The following ERC2 variants were observed in gnomAD, a reference collection of about 807,000 sequenced individuals.
ERC2 encodes the protein ELKS/RAB6-interacting/CAST family member 2.
ERC2 carries 42 observed loss-of-function variants against 114.8 expected under a neutral mutation model. The observed-to-expected ratio is 0.37, with a 90% CI of 0.29 to 0.47. The LOEUF is 0.47. ERC2 is among the 20% of genes least tolerant of loss of function. The probability of loss-of-function intolerance (pLI) is 0.99; values close to 1 mark genes in which losing one functional copy is unlikely to be tolerated. For missense variants in ERC2, 939 were observed against 1,150.7 expected, an observed-to-expected ratio of 0.82 and a Z score of 2.66; for synonymous variants, 454 against 425.5, an observed-to-expected ratio of 1.07 and a Z score of -0.82.
chr3:56,156,532 A>AC (rs1167344068), intron 4 of ERC2, among the ~76,000 whole-genome samples: 1 of 151,894 alleles, frequency 6.6e-6, no homozygotes, highest in Non-Finnish European at 1.5e-5. Flanking sequence ...GAATTTGGGG[A>AC]CCCCTAGGTA....
chr3:56,395,506 G>A (rs2060273752), intron 2 of ERC2, among the ~76,000 whole-genome samples: 2 of 152,098 alleles, frequency 1.3e-5, no homozygotes, highest in Non-Finnish European at 1.5e-5. Context: ...AAGGTGTTTG[G>A]ATCCCTCAAA....
At chr3:55,651,223 A>G (rs534537958) in intron 17 of ERC2, among the ~76,000 whole-genome samples, 5 of 151,964 alleles carry the variant, frequency 3.3e-5, no homozygotes, top group Non-Finnish European at 1.5e-5. Context: ...GGACCTGTGC[A>G]TGTCATTCTG....
intron 17 of ERC2, among the ~76,000 whole-genome samples, chr3:55,530,468 T>TAC (rs2053596245): frequency 6.6e-6 from 1 of 151,202 alleles, no homozygotes; most frequent in South Asian, 2.1e-4. Flanking sequence ...TGACCTGACA[T>TAC]GTTCTCTCCA....
At chr3:56,349,413 C>T (rs1435326590) in intron 2 of ERC2, among the ~76,000 whole-genome samples, 1 of 152,226 alleles carries the variant, frequency 6.6e-6, no homozygotes, top group Admixed American at 6.5e-5. Context: ...GAGAAAGACA[C>T]GCTGGCTCTA....
intron 17 of ERC2, among the ~76,000 whole-genome samples, chr3:55,522,542 C>T (rs1452994809): frequency 6.8e-6 from 1 of 146,168 alleles, no homozygotes; most frequent in African/African-American, 2.6e-5. Flanking sequence ...CATTCCCCTC[C>T]AAAGAATGAG....
At chr3:56,375,889 G>A (rs1446835626) in intron 2 of ERC2, among the ~76,000 whole-genome samples, 1 of 152,192 alleles carries the variant, frequency 6.6e-6, no homozygotes, top group Non-Finnish European at 1.5e-5. Flanking sequence ...GAAGTCAGCT[G>A]TTGCACTGTA....
intron 5 of ERC2, among the ~76,000 whole-genome samples, chr3:56,142,020 A>G (rs578248066): frequency 6.4e-4 from 97 of 152,150 alleles, no homozygotes; most frequent in African/African-American, 2.3e-3. Flanking sequence ...TTTTTTTTAC[A>G]CTAATGTTCA....
rs78554899 is a variant in ERC2 at position 56,141,761 on chromosome 3, C to A, written c.1306-2085G>T. ...TGAATTGCATTAATGAAATTTTTAA[C>A]CTTAATCTCCCCTGGCATTACTATG... On this transcript the variant is annotated intron_variant, in intron 5 of 17. Transcript: ENST00000288221. Among the ~76,000 whole-genome samples the A allele has an allele frequency of 6.1e-3, 934 of 152,160 alleles. 3 individuals carry two copies. Among genetic ancestry groups the A allele is most frequent in the South Asian group, 0.013 (63 of 4,814 alleles).
intron 2 of ERC2, among the ~76,000 whole-genome samples, chr3:56,363,897 G>T (rs1298766090): frequency 6.6e-6 from 1 of 150,890 alleles, no homozygotes; most frequent in African/African-American, 2.4e-5. Flanking sequence ...GAGGGGAAGG[G>T]AAGGAAGGGA....
chr3:55,903,919 T>G (rs975082631), intron 13 of ERC2, among the ~76,000 whole-genome samples: 3 of 152,182 alleles, frequency 2.0e-5, no homozygotes, highest in Admixed American at 6.5e-5. Context: ...ACATCCACTC[T>G]TTTGCCCAGT....
At chr3:55,520,471 A>G (rs1167228397) in intron 17 of ERC2, among the ~76,000 whole-genome samples, 1 of 151,976 alleles carries the variant, frequency 6.6e-6, no homozygotes, top group Non-Finnish European at 1.5e-5. Flanking sequence ...GAGAGAAAAT[A>G]CTTATCTCCA....
chr3:56,234,927 T>C (rs767307694), intron 3 of ERC2, among the ~76,000 whole-genome samples: 1 of 152,174 alleles, frequency 6.6e-6, no homozygotes, highest in Non-Finnish European at 1.5e-5. Context: ...AACACATAAA[T>C]TTAGGGGGAC....
intron 2 of ERC2, among the ~76,000 whole-genome samples, chr3:56,369,926 T>C (rs2059300582): frequency 6.6e-6 from 1 of 152,064 alleles, no homozygotes; most frequent in Non-Finnish European, 1.5e-5. Flanking sequence ...CCACCTGCCT[T>C]GGCCTCCCAA....
At chr3:55,526,779 C>G (rs1173263905) in intron 17 of ERC2, among the ~76,000 whole-genome samples, 1 of 152,206 alleles carries the variant, frequency 6.6e-6, no homozygotes, top group African/African-American at 2.4e-5. Flanking sequence ...TTCACGGGGC[C>G]TTGGTGCACA....
intron 13 of ERC2, among the ~76,000 whole-genome samples, chr3:55,902,770 C>A (rs2064207602): frequency 6.6e-6 from 1 of 152,152 alleles, no homozygotes; most frequent in South Asian, 2.1e-4. Flanking sequence ...TGACACTGGG[C>A]TCCTAGGACC....
At chr3:55,612,358 A>G (rs965234650) in intron 17 of ERC2, among the ~76,000 whole-genome samples, 1 of 152,180 alleles carries the variant, frequency 6.6e-6, no homozygotes, top group Non-Finnish European at 1.5e-5. Context: ...GTGTCACAAG[A>G]GGTCACTCTC....
intron 14 of ERC2, among the ~76,000 whole-genome samples, chr3:55,831,456 G>A (rs1313650556): frequency 6.8e-6 from 1 of 146,152 alleles, no homozygotes; most frequent in Non-Finnish European, 1.5e-5. Context: ...GGGGAGAGGA[G>A]GGAAGGGCAG....
chr3:56,304,764 T>C (rs879230593), intron 2 of ERC2, among the ~76,000 whole-genome samples: 1 of 152,226 alleles, frequency 6.6e-6, no homozygotes, highest in Admixed American at 6.5e-5. Context: ...AAAATAATTA[T>C]GATCAGCTCA....
At chr3:56,268,004 G>A (rs2053432520) in intron 3 of ERC2, among the ~76,000 whole-genome samples, 1 of 152,100 alleles carries the variant, frequency 6.6e-6, no homozygotes, top group Admixed American at 6.5e-5. Flanking sequence ...AATCAAGAAA[G>A]GTAACTACAT....
Sources: gnomAD v4.1 joint callset for allele counts (sites outside exome capture counted in the v4.1 genomes callset) on GRCh38, gnomAD v4.1.1 for gene constraint, MANE v1.5 for transcripts, NCBI Gene and HGNC (gene_info 2026-07-23, HGNC 2026-07-21) for gene names.